Variants in TLE1 observed in about 807,000 individuals in gnomAD.
TLE1 encodes transducin-like enhancer protein 1.
TLE1 carries 21 observed loss-of-function variants against 89.8 expected under a neutral mutation model. The observed-to-expected ratio is 0.23, with a 90% CI of 0.17 to 0.34. TLE1 has a LOEUF of 0.34. Among genes scored for constraint, TLE1 ranks in the 10% least tolerant of loss-of-function variants. TLE1 has a pLI of 1.00. For missense variants in TLE1, 795 were observed against 1,031.2 expected, an observed-to-expected ratio of 0.77 and a Z score of 3.14; for synonymous variants, 447 against 407.6, an observed-to-expected ratio of 1.10 and a Z score of -1.16.
chr9:81,592,929 C>A (rs553798821), intron 15 of TLE1, 96 bp downstream of exon 15: 1 of 1,481,136 alleles, frequency 6.8e-7, no homozygotes, highest in South Asian at 1.4e-5. Context: ...GCTTCTATTT[C>A]CTCATAATGG....
intron 6 of TLE1, among the ~76,000 whole-genome samples, chr9:81,640,763 T>C (rs1044846845): frequency 3.3e-5 from 5 of 152,206 alleles, no homozygotes; most frequent in Admixed American, 6.5e-5. Context: ...GTTACTGTAA[T>C]GGTATAGTTT....
chr9:81,636,615 C>A (rs1029829702), intron 6 of TLE1, among the ~76,000 whole-genome samples: 19 of 152,214 alleles, frequency 1.2e-4, no homozygotes, highest in African/African-American at 4.3e-4. Flanking sequence ...CCCCACTCCC[C>A]TAAAAATCTA....
intron 16 of TLE1, among the ~76,000 whole-genome samples, chr9:81,589,470 G>C (rs1471813819): frequency 6.6e-6 from 1 of 152,164 alleles, no homozygotes; most frequent in Non-Finnish European, 1.5e-5. Flanking sequence ...GTGGTCCAGA[G>C]AAAGATTTGT....
At chr9:81,682,831 A>G (rs1035666554) in intron 4 of TLE1, among the ~76,000 whole-genome samples, 32 of 152,190 alleles carry the variant, frequency 2.1e-4, no homozygotes, top group Non-Finnish European at 4.6e-4. Flanking sequence ...AGGGATCTAT[A>G]AAGGGCTCCA....
chr9:81,628,433 C>CT (rs538436830), intron 8 of TLE1, among the ~76,000 whole-genome samples: 26 of 151,638 alleles, frequency 1.7e-4, no homozygotes, highest in South Asian at 6.3e-4. Context: ...CGTGATTTTT[C>CT]TTTTTTTTTC....
chr9:81,688,260 G>A lies in TLE1; in HGVS notation c.-20C>T, dbSNP rs370440694. Reference sequence around the variant, plus strand: ...GAACATCGCTCTGGCGGCGGCCGGGGCTCTGTTCCCCGGCAACTCAATTCT... The same window carrying A: ...GAACATCGCTCTGGCGGCGGCCGGGACTCTGTTCCCCGGCAACTCAATTCT... On this transcript the variant is annotated 5_prime_UTR_variant, in exon 1 of 20. Transcript: ENST00000376499. The A allele has an allele frequency of 1.1e-4, 175 of 1,570,784 alleles. No individual in the cohort carries two copies. The African/African-American group carries it at 1.7e-3, about 15-fold the overall frequency.
chr9:81,604,480 G>A (rs1831376551), intron 14 of TLE1, among the ~76,000 whole-genome samples: 1 of 152,202 alleles, frequency 6.6e-6, no homozygotes, highest in Non-Finnish European at 1.5e-5. Context: ...AGTGTGCTGT[G>A]TGGTCTCAGC....
intron 4 of TLE1, among the ~76,000 whole-genome samples, chr9:81,680,127 G>T (rs1252899285): frequency 2.6e-5 from 4 of 152,204 alleles, no homozygotes; most frequent in African/African-American, 4.8e-5. Context: ...CTCCCACCAT[G>T]CGAGGGAACA....
At chr9:81,661,198 A>C (rs1830749863) in intron 4 of TLE1, among the ~76,000 whole-genome samples, 2 of 50,486 alleles carry the variant, frequency 4.0e-5, no homozygotes, top group Admixed American at 5.6e-4. Flanking sequence ...TTATATATAT[A>C]TGTATTTTTA....
At chr9:81,619,000 G>A (rs1465410346) in intron 9 of TLE1, among the ~76,000 whole-genome samples, 1 of 152,050 alleles carries the variant, frequency 6.6e-6, no homozygotes, top group Non-Finnish European at 1.5e-5. Context: ...GTACATGCAG[G>A]TTACAAAACT....
At chr9:81,600,161 G>A (rs1397758768) in intron 14 of TLE1, 6 of 709,076 alleles carry the variant, frequency 8.5e-6, no homozygotes, top group Admixed American at 4.3e-5. Context: ...TGGATGGAAA[G>A]TAAAACAAAA....
chr9:81,613,503 G>C lies in TLE1; in HGVS notation c.937C>G (p.Pro313Ala), dbSNP rs759596462. 1 of 1,614,158 alleles carries C rather than the reference G, an allele frequency of 6.2e-7. No individual in the cohort carries two copies. The highest frequency in any genetic ancestry group is 1.1e-5 in the South Asian group (1 of 91,080). ...GTTGGTGTGCTGGATTTCAGAACAG[G>C]CGTGCTGGCTTTTTCATGCTGGTGT... ...EMSLHEKAST[P>A]VLKSSTPTPR... The change falls in exon 12 of 20, where the codon CCT becomes GCT. Residue 313 changes from proline to alanine, a missense_variant. Physicochemically the swap from Pro to Ala is conservative, Grantham distance 27. Transcript: ENST00000376499.
chr9:81,686,320 T>TAA (rs1834274380), intron 2 of TLE1, among the ~76,000 whole-genome samples: 1 of 152,234 alleles, frequency 6.6e-6, no homozygotes, highest in Non-Finnish European at 1.5e-5. Flanking sequence ...TCCTATCTGT[T>TAA]AAGTTACTCC....
chr9:81,628,392 G>A (rs568857519), intron 8 of TLE1, among the ~76,000 whole-genome samples: 1 of 152,198 alleles, frequency 6.6e-6, no homozygotes, highest in East Asian at 1.9e-4. Flanking sequence ...CCCTGATGCC[G>A]CCATGGTTCC....
At position 81,681,065 on chromosome 9, in the gene TLE1, G is replaced by A. The variant is rs777429903; in HGVS notation, c.234+4611C>T. ...TTTTAAAAACCCACTAAAGAACAAC[G>A]CATTTTTCTAAGAGAAATTTTAAAG... On this transcript the variant is annotated intron_variant, in intron 4 of 19. Transcript: ENST00000376499. 3.9e-5 allele frequency among the ~76,000 whole-genome samples: 6 copies of A among 152,134 alleles called. No individual in the cohort carries two copies. In the East Asian group the frequency reaches 1.2e-3, roughly 29 times the overall value.
At chr9:81,651,492 A>T (rs1829525470) in intron 6 of TLE1, among the ~76,000 whole-genome samples, 1 of 152,186 alleles carries the variant, frequency 6.6e-6, no homozygotes, top group South Asian at 2.1e-4. Context: ...GTGAAAAGCC[A>T]GGGAGCACTA....
At chr9:81,642,515 A>T (rs1828256870) in intron 6 of TLE1, among the ~76,000 whole-genome samples, 1 of 139,348 alleles carries the variant, frequency 7.2e-6, no homozygotes, top group East Asian at 2.0e-4. Flanking sequence ...AACATGGTGA[A>T]ACCCCGTCTC....
intron 6 of TLE1, among the ~76,000 whole-genome samples, chr9:81,651,079 T>C (rs909636273): frequency 6.6e-6 from 1 of 152,214 alleles, no homozygotes; most frequent in African/African-American, 2.4e-5. Flanking sequence ...TTCCATTGTC[T>C]GTGGCCGTCA....
chr9:81,682,875 C>T (rs1020108184), intron 4 of TLE1, among the ~76,000 whole-genome samples: 1 of 152,186 alleles, frequency 6.6e-6, no homozygotes, highest in African/African-American at 2.4e-5. Flanking sequence ...CCATGAAAGA[C>T]TTAAGTATCT....
Sources: gnomAD v4.1 joint callset for allele counts (sites outside exome capture counted in the v4.1 genomes callset) on GRCh38, gnomAD v4.1.1 for gene constraint, MANE v1.5 for transcripts, NCBI Gene and HGNC (gene_info 2026-07-23, HGNC 2026-07-21) for gene names.